The following ARHGEF4 variants were observed in gnomAD, a reference collection of about 807,000 sequenced individuals.
ARHGEF4 encodes the protein Rho guanine nucleotide exchange factor 4.
Under a neutral mutation model 162.0 loss-of-function variants are expected in ARHGEF4, and 119 were observed. The ratio of observed to expected loss-of-function variants is 0.73; its 90% CI spans 0.63 to 0.86. The LOEUF is 0.86. Ranked by LOEUF, ARHGEF4 falls within the 40% of genes least tolerant of loss-of-function variation. The pLI, the probability that ARHGEF4 is intolerant of heterozygous loss-of-function variation, is 0.00. For synonymous variants in ARHGEF4, 1,014 were observed against 979.9 expected, an observed-to-expected ratio of 1.03 and a Z score of -0.65; for missense variants, 2,488 against 2,456.0, an observed-to-expected ratio of 1.01 and a Z score of -0.28.
chr2:130,870,088 A>G (rs1420369681), intron 1 of ARHGEF4, among the ~76,000 whole-genome samples: 1 of 152,168 alleles, frequency 6.6e-6, no homozygotes, highest in Non-Finnish European at 1.5e-5. Context: ...CACTGAGAAC[A>G]ATATTCGCCC....
chr2:130,848,727 A>G (rs1320804669), intron 1 of ARHGEF4, among the ~76,000 whole-genome samples: 2 of 152,230 alleles, frequency 1.3e-5, no homozygotes, highest in Non-Finnish European at 2.9e-5. Flanking sequence ...GTCACATGAC[A>G]CTTGCCTCCC....
intron 1 of ARHGEF4, among the ~76,000 whole-genome samples, chr2:130,902,576 A>G (rs993123691): frequency 6.6e-6 from 1 of 151,922 alleles, no homozygotes; most frequent in African/African-American, 2.4e-5. Flanking sequence ...CCTGAGCGAC[A>G]GAGCGAGACT....
At chr2:130,897,923 G>T (rs555532528) in intron 1 of ARHGEF4, among the ~76,000 whole-genome samples, 2 of 152,198 alleles carry the variant, frequency 1.3e-5, no homozygotes, top group African/African-American at 4.8e-5. Flanking sequence ...AATACCGGGC[G>T]ACAGAAACTA....
intron 4 of ARHGEF4, among the ~76,000 whole-genome samples, chr2:130,988,901 T>TATAGAGAG (rs1469212068): frequency 3.1e-3 from 357 of 113,336 alleles, no homozygotes; most frequent in South Asian, 5.6e-3. Context: ...TATATATATA[T>TATAGAGAG]AGAGAGAGAG....
intron 3 of ARHGEF4, among the ~76,000 whole-genome samples, chr2:130,931,845 A>T (rs1483137470): frequency 6.6e-6 from 1 of 152,240 alleles, no homozygotes; most frequent in African/African-American, 2.4e-5. Flanking sequence ...AGCAATATTT[A>T]ATATCAAGTG....
chr2:130,912,879 G>A (rs930062512), intron 1 of ARHGEF4, among the ~76,000 whole-genome samples: 1 of 152,158 alleles, frequency 6.6e-6, no homozygotes, highest in Non-Finnish European at 1.5e-5. Flanking sequence ...AAATAGGTGA[G>A]TACAGTGCAA....
intron 4 of ARHGEF4, among the ~76,000 whole-genome samples, chr2:130,954,038 C>T (rs569888457): frequency 6.6e-6 from 1 of 152,320 alleles, no homozygotes; most frequent in South Asian, 2.1e-4. Flanking sequence ...TTTGACCCAG[C>T]CATCCCATTA....
chr2:130,917,563 C>T, intron 2 of ARHGEF4, 65 bp downstream of exon 2: 1 of 1,473,098 alleles, frequency 6.8e-7, no homozygotes, highest in Middle Eastern at 2.4e-4. Context: ...GGGGAGCAGG[C>T]GGGAATCTTC....
intron 5 of ARHGEF4, among the ~76,000 whole-genome samples, chr2:131,036,850 TC>T (rs1558885063): frequency 6.6e-6 from 1 of 152,144 alleles, no homozygotes; most frequent in South Asian, 2.1e-4. Flanking sequence ...CTCACTGGTG[TC>T]CCCAGACCGC....
At chr2:130,958,637 T>A (rs897335374) in intron 4 of ARHGEF4, among the ~76,000 whole-genome samples, 5 of 152,164 alleles carry the variant, frequency 3.3e-5, no homozygotes, top group Non-Finnish European at 7.4e-5. Flanking sequence ...CTTGAATTCC[T>A]GACCTCAAGT....
rs1225897887 is a variant in ARHGEF4 at position 131,027,849 on chromosome 2, A to G, written c.3986-96A>G. 3 of 1,452,626 alleles carry G rather than the reference A, an allele frequency of 2.1e-6. No individual in the cohort carries two copies. In the African/African-American group the frequency reaches 4.2e-5, roughly 20 times the overall value. 90.0% of individuals were successfully genotyped at this position (1,452,626 alleles called of 1,614,324 possible). On this transcript the variant is annotated intron_variant, in intron 4 of 13. Transcript: ENST00000409359. ...TGCACGCTCCCCCTGCAGAAGAAGC[A>G]TTTGTCCTGAACCCACTGGGCTCCT... is the stretch of plus-strand genomic sequence containing the variant.
intron 4 of ARHGEF4, among the ~76,000 whole-genome samples, chr2:130,993,698 T>A (rs1473459553): frequency 6.6e-6 from 1 of 152,214 alleles, no homozygotes; most frequent in Admixed American, 6.5e-5. Flanking sequence ...TCTTAAAGTC[T>A]ACTTTGACAT....
chr2:130,917,643 C>T (rs1295156415), intron 2 of ARHGEF4, 145 bp downstream of exon 2: 4 of 1,073,462 alleles, frequency 3.7e-6, no homozygotes, highest in African/African-American at 3.2e-5. Context: ...CGCCCCCCCT[C>T]CCCCAGTGAA....
At chr2:130,956,857 G>A (rs1684313779) in intron 4 of ARHGEF4, among the ~76,000 whole-genome samples, 1 of 151,384 alleles carries the variant, frequency 6.6e-6, no homozygotes, top group African/African-American at 2.4e-5. Flanking sequence ...TTAGGAGATA[G>A]ACCTAATGCC....
At chr2:130,952,392 A>C (rs1326758528) in intron 4 of ARHGEF4, among the ~76,000 whole-genome samples, 1 of 152,180 alleles carries the variant, frequency 6.6e-6, no homozygotes, top group Non-Finnish European at 1.5e-5. Context: ...TCAATAAACT[A>C]GGTATTGATG....
At chr2:130,961,786 G>A (rs570579244) in intron 4 of ARHGEF4, among the ~76,000 whole-genome samples, 1 of 152,234 alleles carries the variant, frequency 6.6e-6, no homozygotes. Flanking sequence ...GGGGTAGTGG[G>A]CTCTGGCAGT....
At chr2:130,946,422 TCAG>T in intron 3 of ARHGEF4, 84 bp from the exon 4 acceptor site, 6 of 1,494,808 alleles carry the variant, frequency 4.0e-6, no homozygotes, top group Non-Finnish European at 5.4e-6. Flanking sequence ...TGAAAAGTCC[TCAG>T]CAATTAGAAA....
At chr2:130,979,616 A>AT (rs1685977932) in intron 4 of ARHGEF4, among the ~76,000 whole-genome samples, 1 of 151,656 alleles carries the variant, frequency 6.6e-6, no homozygotes, top group African/African-American at 2.4e-5. Context: ...GGAGCCTGTA[A>AT]TCCCAGCTAC....
chr2:130,982,604 C>G (rs956849870), intron 4 of ARHGEF4, among the ~76,000 whole-genome samples: 1 of 88,964 alleles, frequency 1.1e-5, no homozygotes, highest in Non-Finnish European at 3.3e-5. Context: ...CCTTTCCCTC[C>G]TCCTCCTCCT....
Sources: allele counts gnomAD v4.1 joint callset (sites outside exome capture counted in the v4.1 genomes callset), GRCh38; gene constraint gnomAD v4.1.1; transcripts MANE v1.5; gene names NCBI Gene and HGNC (gene_info 2026-07-23, HGNC 2026-07-21).